The following MTMR7 variants were observed in gnomAD, a reference collection of about 807,000 sequenced individuals.
MTMR7 encodes the protein myotubularin related protein 7.
In MTMR7, 76 loss-of-function variants were observed where a neutral mutation model predicts 81.2. The observed-to-expected ratio is 0.94, with a 90% CI of 0.78 to 1.13. MTMR7 has a LOEUF of 1.13. Ranked by LOEUF, MTMR7 falls within the 50% of genes most tolerant of loss-of-function variation. MTMR7 has a pLI of 0.00. For missense variants in MTMR7, 1,044 were observed against 820.0 expected (o/e 1.27, Z -3.34); for synonymous variants, 372 against 289.8 (o/e 1.28, Z -2.88).
At chr8:17,395,481 T>G (rs1050210901) in intron 1 of MTMR7, among the ~76,000 whole-genome samples, 2 of 152,234 alleles carry the variant, frequency 1.3e-5, no homozygotes, top group Admixed American at 1.3e-4. Flanking sequence ...TTTAACTTTT[T>G]GAGAAACTAC....
At position 17,321,576 on chromosome 8, in the gene MTMR7, C is replaced by T. The variant is rs140714407; in HGVS notation, c.866-8175G>A. 1.3e-3 allele frequency among the ~76,000 whole-genome samples: 195 copies of T among 152,282 alleles called. 1 individual carries two copies. Among genetic ancestry groups the T allele is most frequent in the African/African-American group, 4.3e-3 (179 of 41,548 alleles). ...GGGCAGATGGGGATACACTTGAGAC[C>T]AAAGCGATTAGCGCCTGGATTTTTA... On this transcript the variant is annotated intron_variant, in intron 7 of 13. Transcript: ENST00000180173.
chr8:17,312,548 C>T (rs945716169), intron 8 of MTMR7, among the ~76,000 whole-genome samples: 2 of 143,368 alleles, frequency 1.4e-5, no homozygotes, highest in African/African-American at 2.6e-5. Context: ...GCACTCCAGC[C>T]TGGGTGACAG....
intron 6 of MTMR7, among the ~76,000 whole-genome samples, chr8:17,337,124 C>A (rs568244144): frequency 2.6e-5 from 4 of 152,136 alleles, no homozygotes; most frequent in Admixed American, 1.3e-4. Flanking sequence ...GTAATCCTAG[C>A]ACTTTGGGAG....
At chr8:17,409,800 G>A (rs987437484) in intron 1 of MTMR7, among the ~76,000 whole-genome samples, 1 of 152,158 alleles carries the variant, frequency 6.6e-6, no homozygotes, top group African/African-American at 2.4e-5. Context: ...CTAGAAAGAT[G>A]AGGTATTTAG....
At chr8:17,320,998 C>CTA (rs1554508282) in intron 7 of MTMR7, among the ~76,000 whole-genome samples, 4 of 151,438 alleles carry the variant, frequency 2.6e-5, no homozygotes, top group Non-Finnish European at 5.9e-5. Context: ...CTCTTGCAGT[C>CTA]TTTTTTTTTA....
chr8:17,404,917 C>T (rs1210203176), intron 1 of MTMR7, among the ~76,000 whole-genome samples: 3 of 152,146 alleles, frequency 2.0e-5, no homozygotes, highest in South Asian at 2.1e-4. Context: ...CCTCTGCCTC[C>T]GAGGTTTAAG....
At chr8:17,395,027 T>C (rs1037153035) in intron 1 of MTMR7, among the ~76,000 whole-genome samples, 6 of 152,190 alleles carry the variant, frequency 3.9e-5, no homozygotes, top group Non-Finnish European at 8.8e-5. Flanking sequence ...TTTCCAAAAC[T>C]TTCTCAACCC....
At position 17,302,621 on chromosome 8, in the gene MTMR7, T is replaced by G. The variant is rs1817189957; in HGVS notation, c.1494-341A>C. The stretch of plus-strand genomic sequence containing the variant: ...TTTGAAATTGTATATTTAGAATCTT[T>G]CAGCTACAAAGGGAATCTTAAACTT... On this transcript the variant is annotated intron_variant, in intron 12 of 13. Transcript: ENST00000180173. Among the ~76,000 whole-genome samples the G allele has an allele frequency of 2.0e-5, 3 of 148,566 alleles. No homozygotes were observed. The South Asian group carries it at 6.4e-4, about 32-fold the overall frequency.
chr8:17,377,092 C>T (rs1407498607), intron 1 of MTMR7, among the ~76,000 whole-genome samples: 1 of 151,996 alleles, frequency 6.6e-6, no homozygotes, highest in East Asian at 1.9e-4. Flanking sequence ...AGAGAACCTC[C>T]ATGCCCTAGC....
chr8:17,396,593 C>A (rs1317402633), intron 1 of MTMR7, among the ~76,000 whole-genome samples: 1 of 152,130 alleles, frequency 6.6e-6, no homozygotes, highest in Non-Finnish European at 1.5e-5. Context: ...TCTGGCAAGC[C>A]TCACTACTGC....
At chr8:17,303,941 C>T (rs1462660819) in intron 12 of MTMR7, among the ~76,000 whole-genome samples, 2 of 152,184 alleles carry the variant, frequency 1.3e-5, no homozygotes, top group African/African-American at 4.8e-5. Context: ...GACAAAAAGG[C>T]AACCTATTAC....
At chr8:17,397,471 A>T (rs1344846044) in intron 1 of MTMR7, among the ~76,000 whole-genome samples, 1 of 152,108 alleles carries the variant, frequency 6.6e-6, no homozygotes, top group African/African-American at 2.4e-5. Flanking sequence ...TGGCTACTGG[A>T]AGAGGCTCCT....
At chr8:17,344,908 G>A (rs1456100922) in intron 5 of MTMR7, among the ~76,000 whole-genome samples, 2 of 151,982 alleles carry the variant, frequency 1.3e-5, no homozygotes, top group Non-Finnish European at 2.9e-5. Flanking sequence ...TTGTTTCCTC[G>A]AAATGTGTAC....
chr8:17,383,244 A>G (rs569616677), intron 1 of MTMR7, among the ~76,000 whole-genome samples: 1 of 152,318 alleles, frequency 6.6e-6, no homozygotes, highest in East Asian at 1.9e-4. Context: ...TGAATTTTTC[A>G]GAAAAGCTTA....
At chr8:17,325,585 G>C (rs1398728099) in intron 7 of MTMR7, among the ~76,000 whole-genome samples, 2 of 152,190 alleles carry the variant, frequency 1.3e-5, no homozygotes, top group Admixed American at 6.5e-5. Flanking sequence ...TGCCTGAGCT[G>C]ACGCGGGGCC....
At chr8:17,337,147 G>A (rs556456857) in intron 6 of MTMR7, among the ~76,000 whole-genome samples, 21 of 152,192 alleles carry the variant, frequency 1.4e-4, no homozygotes, top group East Asian at 5.8e-4. Context: ...CGAGAAGGGC[G>A]GATCACCTGA....
At chr8:17,377,374 T>C (rs1045605499) in intron 1 of MTMR7, among the ~76,000 whole-genome samples, 1 of 152,082 alleles carries the variant, frequency 6.6e-6, no homozygotes, top group African/African-American at 2.4e-5. Flanking sequence ...TTCTTATCTG[T>C]GGGTAAACCC....
chr8:17,413,154 G>T, intron 1 of MTMR7, 115 bp downstream of exon 1: 1 of 1,217,702 alleles, frequency 8.2e-7, no homozygotes. Flanking sequence ...CCTCGCCCGC[G>T]GTCCAGGCTC....
In MTMR7 at chr8:17,413,286, G is replaced by A. The variant is rs1485919344; in HGVS notation, c.7C>T (p.His3Tyr). The change falls in exon 1 of 14, where the codon CAC becomes TAC. Residue 3 changes from histidine to tyrosine, a missense_variant. Physicochemically the swap from His to Tyr is moderately conservative, Grantham distance 83. Transcript: ENST00000180173. ...TCACCAACCTTGGGCGTACGGATGTGCTCCATGGCTGGCCCACGTCTGCAG... is the reference window on the plus strand; with the variant it reads ...TCACCAACCTTGGGCGTACGGATGTACTCCATGGCTGGCCCACGTCTGCAG... ME[H>Y]IRTPKVENVR... is the part of the protein sequence containing the mutation. The A allele has an allele frequency of 6.5e-6, 10 of 1,546,542 alleles. No homozygotes were observed. In the Admixed American group the frequency reaches 1.8e-4, roughly 27 times the overall value.
Sources: gnomAD v4.1 joint callset for allele counts (sites outside exome capture counted in the v4.1 genomes callset) on GRCh38, gnomAD v4.1.1 for gene constraint, MANE v1.5 for transcripts, NCBI Gene and HGNC (gene_info 2026-07-23, HGNC 2026-07-21) for gene names.